Variants in TACC3 observed in about 807,000 individuals in gnomAD.
The protein encoded by TACC3 is transforming acidic coiled-coil-containing protein 3.
Under a neutral mutation model 86.0 loss-of-function variants are expected in TACC3, and 52 were observed. The ratio of observed to expected loss-of-function variants is 0.60; its 90% confidence interval spans 0.48 to 0.76. The LOEUF (loss-of-function observed/expected upper bound fraction) is 0.76. TACC3 is among the 30% of genes least tolerant of loss of function. TACC3 has a pLI of 0.00. For missense variants in TACC3, 1,120 were observed against 1,070.4 expected (o/e 1.05, Z -0.65); for synonymous variants, 512 against 430.0 (o/e 1.19, Z -2.36).
Position 1,737,337 on chromosome 4 carries a change from T to G in TACC3, c.1836+9T>G, listed in dbSNP as rs779398788. 6.2e-7 allele frequency: 1 copy of G among 1,612,828 alleles called. No individual in the cohort carries two copies. Among genetic ancestry groups the G allele is most frequent in the East Asian group, 2.2e-5 (1 of 44,872 alleles). On this transcript the variant is annotated intron_variant, in intron 9 of 15. Transcript: ENST00000313288. ...GAGCACTGGACATTCCTGTAAGTCCTTGAGTCCCTCTTGAACTGTCTTGTG... is the reference window on the plus strand; with the variant it reads ...GAGCACTGGACATTCCTGTAAGTCCGTGAGTCCCTCTTGAACTGTCTTGTG...
At position 1,727,789 on chromosome 4, in the gene TACC3, G is replaced by A. The variant is rs757885790; in HGVS notation, c.387G>A (p.Leu129=). 7.4e-6 allele frequency: 12 copies of A among 1,613,112 alleles called. No homozygotes were observed. Among genetic ancestry groups the A allele is most frequent in the Non-Finnish European group, 1.0e-5 (12 of 1,179,886 alleles). The change falls in exon 4 of 16, where the codon CTG becomes CTA. Residue 129 remains leucine, a synonymous_variant. Transcript: ENST00000313288. ...CAGTGGAGGCTGACACCGACCTCCT[G>A]GGGGATGCAAGCCCAGCCTTTGGGA... is the stretch of plus-strand genomic sequence containing the variant. ...QKPVEADTDL[L]GDASPAFGSG...
chr4:1,740,133 A>G, intron 12 of TACC3, 131 bp downstream of exon 12: 1 of 873,538 alleles, frequency 1.1e-6, no homozygotes, highest in African/African-American at 1.7e-5. Context: ...GAGTCCCTTC[A>G]ACATGGGCCC....
intron 13 of TACC3, among the ~76,000 whole-genome samples, chr4:1,742,559 G>A (rs1023985553): frequency 3.9e-5 from 6 of 152,344 alleles, no homozygotes; most frequent in Admixed American, 6.5e-5. Flanking sequence ...AATCCCCTTC[G>A]GGAGACCGAG....
chr4:1,728,896 G>A, intron 4 of TACC3, 109 bp downstream of exon 4: 3 of 1,158,584 alleles, frequency 2.6e-6, no homozygotes, highest in Non-Finnish European at 3.6e-6. Context: ...TTGAGGCCGG[G>A]TAGGTTCTGC....
chr4:1,731,477 A>G (rs1718006987), intron 6 of TACC3, among the ~76,000 whole-genome samples, 176 bp downstream of exon 6: 3 of 152,242 alleles, frequency 2.0e-5, no homozygotes, highest in African/African-American at 7.2e-5. Flanking sequence ...AGTCAGTGTT[A>G]GGAGAGCAGG....
In TACC3 at chr4:1,735,861, A is replaced by G. The variant is rs1474889363; in HGVS notation, c.1748+27A>G. 6 of 1,483,010 alleles carry G rather than the reference A, an allele frequency of 4.0e-6. No homozygotes were observed. The highest frequency in any genetic ancestry group is 3.7e-6 in the Non-Finnish European group (4 of 1,079,536). 91.9% of individuals were successfully genotyped at this position (1,483,010 alleles called of 1,614,324 possible). A position where few individuals can be genotyped will look rare whatever the true frequency, so the allele number is the denominator to read the frequency against. Reference sequence around the variant, plus strand: ...TATGTGCGCCGGCCCTCCCTCATGCATGAAGCCTTGAGTGTGGGAAGACTG... The same window carrying G: ...TATGTGCGCCGGCCCTCCCTCATGCGTGAAGCCTTGAGTGTGGGAAGACTG... On this transcript the variant is annotated intron_variant, in intron 8 of 15. Coordinates refer to ENST00000313288, the MANE Select transcript of TACC3 (RefSeq NM_006342.3). This position sits in a 1 kb window ranked among gnomAD's most constrained non-coding sequence, Gnocchi z 4.2.
Position 1,727,922 on chromosome 4 carries a change from G to A in TACC3, c.520G>A (p.Val174Met), listed in dbSNP as rs757525947. ...GAACCAAATGGTGTCTCCAGGAAAA[G>A]TGTCTGGCAGCCCTGAGCAAGCCGT... Reference protein sequence around the residue: ...SENQMVSPGKVSGSPEQAVEE... With the variant: ...SENQMVSPGKMSGSPEQAVEE... The change falls in exon 4 of 16, where the codon GTG (valine) becomes ATG (methionine). Residue 174 changes from valine to methionine, a missense_variant. By Grantham distance (21) the Val-to-Met change is conservative (BLOSUM62 1). Transcript: ENST00000313288. The A allele has an allele frequency of 7.4e-6, 12 of 1,613,940 alleles. No individual in the cohort carries two copies. Among genetic ancestry groups the A allele is most frequent in the South Asian group, 4.4e-5 (4 of 91,090 alleles).
At chr4:1,740,674 GGGT>G in intron 12 of TACC3, 149 bp from the exon 13 acceptor site, 1 of 667,968 alleles carries the variant, frequency 1.5e-6, no homozygotes, top group Non-Finnish European at 2.6e-6. Flanking sequence ...AGAAGATCCT[GGGT>G]GGAGGGACCC....
intron 3 of TACC3, among the ~76,000 whole-genome samples, chr4:1,726,584 G>T (rs1217864822): frequency 6.6e-6 from 1 of 152,210 alleles, no homozygotes; most frequent in Admixed American, 6.5e-5. Context: ...AATGCTGTCA[G>T]GTCCCTTAAT....
intron 3 of TACC3, 102 bp from the exon 4 acceptor site, chr4:1,727,606 C>T (rs1717751530): frequency 1.3e-6 from 2 of 1,508,380 alleles, no homozygotes; most frequent in Non-Finnish European, 1.8e-6. Context: ...CTCAGCCCTG[C>T]TTCTGGTGTG....
chr4:1,724,454 G>A (rs2015198), intron 3 of TACC3, among the ~76,000 whole-genome samples: 2,663 of 123,416 alleles, frequency 0.022, 39 homozygotes, highest in Middle Eastern at 0.055. Flanking sequence ...GCAGTGGCTC[G>A]ATTTCGGCTC....
upstream of TACC3, chr4:1,720,660 G>C: frequency 6.5e-7 from 1 of 1,546,392 alleles, no homozygotes; most frequent in Non-Finnish European, 8.7e-7. This position sits in a 1 kb window ranked among gnomAD's most constrained non-coding sequence, Gnocchi z 4.4. Flanking sequence ...TGGCACAACA[G>C]CGTGGCGGCC....
chr4:1,729,071 A>G (rs988573295), intron 4 of TACC3, among the ~76,000 whole-genome samples: 6 of 152,058 alleles, frequency 3.9e-5, no homozygotes, highest in African/African-American at 1.2e-4. Context: ...CCTGGGCAGG[A>G]CCCTGTCCCC....
At chr4:1,728,963 T>G (rs2108689811) in intron 4 of TACC3, among the ~76,000 whole-genome samples, 176 bp downstream of exon 4, 1 of 152,364 alleles carries the variant, frequency 6.6e-6, no homozygotes, top group East Asian at 1.9e-4. Context: ...CTGAGGGTGC[T>G]TGGCCTTGCC....
chr4:1,723,836 G>A lies in TACC3; in HGVS notation c.271G>A (p.Glu91Lys), dbSNP rs780872671. The A allele has an allele frequency of 6.2e-7, 1 of 1,613,592 alleles. No individual in the cohort carries two copies. The highest frequency in any genetic ancestry group is 2.2e-5 in the East Asian group (1 of 44,892). The change falls in exon 3 of 16, where the codon GAA becomes AAA. Residue 91 changes from glutamate (E) to lysine (K), a missense_variant. Glu to Lys is a moderately conservative substitution (Grantham distance 56). Coordinates refer to ENST00000313288, the MANE Select transcript of TACC3 (RefSeq NM_006342.3). Reference sequence around the variant, plus strand: ...CACTCAGGATGACACCCTTGGACTGGAAAACTCACACCCGGTCTGGACACA... The same window carrying A: ...CACTCAGGATGACACCCTTGGACTGAAAAACTCACACCCGGTCTGGACACA... ...PFTQDDTLGL[E>K]NSHPVWTQKE...
chr4:1,741,114 T>G, intron 13 of TACC3, 128 bp downstream of exon 13: 1 of 880,486 alleles, frequency 1.1e-6, no homozygotes. Context: ...CACGGGGGCA[T>G]GGGATGACCT....
rs575027022 is a variant in TACC3, at chr4:1,739,191, C to G, written c.1942-511C>G. 6.0e-4 allele frequency among the ~76,000 whole-genome samples: 92 copies of G among 152,174 alleles called. No individual in the cohort carries two copies. In the South Asian group the frequency reaches 6.4e-3, roughly 11 times the overall value. ...GGCGTGGTGGTGGGCACCTGTAGTC[C>G]CACCTACTCGGGAGGCCGAAGCAAG... On this transcript the variant is annotated intron_variant, in intron 10 of 15. Transcript: ENST00000313288.
In TACC3 at chr4:1,735,299, T is replaced by C; in HGVS notation, c.1618T>C (p.Tyr540His). 6.2e-7 allele frequency: 1 copy of C among 1,614,072 alleles called. No individual in the cohort carries two copies. The highest frequency in any genetic ancestry group is 8.5e-7 in the Non-Finnish European group (1 of 1,180,024). Reference protein sequence around the residue: ...EVLGTGAEVDYLEQFGTSSFK... With the variant: ...EVLGTGAEVDHLEQFGTSSFK... The stretch of plus-strand genomic sequence containing the variant: ...TCTAGGCACGGGCGCGGAGGTGGAT[T>C]ACCTGGAGCAGTTTGGAACTTCCTC... The change falls in exon 7 of 16, where the codon TAC becomes CAC. Residue 540 changes from tyrosine (Y) to histidine (H), a missense_variant. By Grantham distance (83) the Tyr-to-His change is moderately conservative. Transcript: ENST00000313288. The surrounding 1 kb of genome is among the most constrained non-coding windows in gnomAD (Gnocchi z 4.2).
At chr4:1,721,829 T>C (rs894954610) in intron 1 of TACC3, 186 bp downstream of exon 1, 1 of 151,990 alleles carries the variant, frequency 6.6e-6, no homozygotes, top group African/African-American at 2.4e-5. Context: ...GACCCGGCCC[T>C]AGACCGACCG....
Sources: allele counts gnomAD v4.1 joint callset (sites outside exome capture counted in the v4.1 genomes callset), GRCh38; gene constraint gnomAD v4.1.1; non-coding constraint Gnocchi (gnomAD v3.1); transcripts MANE v1.5; gene names NCBI Gene and HGNC (gene_info 2026-07-23, HGNC 2026-07-21).